The following RSPO4 variants were observed in gnomAD, a reference collection of about 807,000 sequenced individuals.
RSPO4 encodes R-spondin-4.
In RSPO4, 23 loss-of-function variants were observed where a neutral mutation model predicts 24.8. That is an observed-to-expected ratio of 0.93 (90% CI 0.67 to 1.31). RSPO4 has a LOEUF of 1.31. Among genes scored for constraint, RSPO4 ranks in the 40% most tolerant of loss-of-function variants. RSPO4 has a pLI of 0.00. For missense variants in RSPO4, 333 were observed against 316.5 expected (o/e 1.05, Z -0.39); for synonymous variants, 141 against 127.4 (o/e 1.11, Z -0.72).
At chr20:964,695 T>C (rs543974507) in intron 3 of RSPO4, among the ~76,000 whole-genome samples, 3,619 of 148,596 alleles carry the variant, frequency 0.024, 95 homozygotes, top group African/African-American at 0.065. Flanking sequence ...TATATATATA[T>C]ACACACACAC....
At chr20:1,001,667 G>A (rs1985467295) in intron 1 of RSPO4, among the ~76,000 whole-genome samples, 2 of 152,152 alleles carry the variant, frequency 1.3e-5, no homozygotes, top group South Asian at 4.1e-4. Context: ...GGGGCCTCTG[G>A]ACGCCCAGCC....
At chr20:965,134 C>T (rs1984153429) in intron 3 of RSPO4, among the ~76,000 whole-genome samples, 2 of 152,086 alleles carry the variant, frequency 1.3e-5, no homozygotes, top group Admixed American at 1.3e-4. Context: ...CTGCAGGCCT[C>T]CTGGAATTCA....
chr20:991,672 T>A (rs1259031885), intron 1 of RSPO4, among the ~76,000 whole-genome samples: 2 of 151,576 alleles, frequency 1.3e-5, no homozygotes, highest in Non-Finnish European at 1.5e-5. Flanking sequence ...AATAAAAATT[T>A]AAAAATAAGG....
At chr20:964,176 G>A in intron 3 of RSPO4, 56 bp from the exon 4 acceptor site, 3 of 1,458,470 alleles carry the variant, frequency 2.1e-6, no homozygotes, top group Admixed American at 2.0e-5. Context: ...CCGGCAGTGA[G>A]GGTCCTTCAG....
Position 1,002,007 on chromosome 20 carries a change from AGCC to A in RSPO4, c.79+76_79+78del. On this transcript the variant is annotated intron_variant, in intron 1 of 4. Coordinates refer to ENST00000217260, the MANE Select transcript of RSPO4 (RefSeq NM_001029871.4). The surrounding 1 kb of genome is among the most constrained non-coding windows in gnomAD (Gnocchi z 4.6). ...CCAGGCACCAGGCAGATGCCCCCAG[AGCC>A]GCCGCCCCCGGTCCTCCGGCCCCCG... The A allele has an allele frequency of 7.8e-7, 1 of 1,275,166 alleles. No homozygotes were observed. The highest frequency in any genetic ancestry group is 1.3e-5 in the South Asian group (1 of 78,546). 79.0% of individuals were successfully genotyped at this position (1,275,166 alleles called of 1,614,324 possible). A position where few individuals can be genotyped will look rare whatever the true frequency, so the allele number is the denominator to read the frequency against.
chr20:997,818 C>T (rs1241961970), intron 1 of RSPO4, among the ~76,000 whole-genome samples: 1 of 152,164 alleles, frequency 6.6e-6, no homozygotes, highest in Non-Finnish European at 1.5e-5. Context: ...TAAAGAAAAA[C>T]AAGCTCAGAG....
At chr20:973,001 T>G (rs2055441392) in intron 1 of RSPO4, among the ~76,000 whole-genome samples, 1 of 152,250 alleles carries the variant, frequency 6.6e-6, no homozygotes, top group African/African-American at 2.4e-5. Context: ...TGACATGGCG[T>G]TGCTGCCCAT....
chr20:973,657 G>T (rs1568915205), intron 1 of RSPO4, among the ~76,000 whole-genome samples: 2 of 152,234 alleles, frequency 1.3e-5, no homozygotes, highest in Non-Finnish European at 2.9e-5. Context: ...TGTATTTTTA[G>T]TAGAGACGGG....
intron 4 of RSPO4, 116 bp from the exon 5 acceptor site, chr20:960,582 G>A (rs1226887225): frequency 2.6e-6 from 2 of 765,926 alleles, no homozygotes; most frequent in East Asian, 2.7e-5. Flanking sequence ...ACGGGGCTCA[G>A]AACATTTGGG....
At chr20:997,106 C>T (rs2103799) in intron 1 of RSPO4, among the ~76,000 whole-genome samples, 1 of 152,080 alleles carries the variant, frequency 6.6e-6, no homozygotes, top group Non-Finnish European at 1.5e-5. Flanking sequence ...CCTCAGTTCC[C>T]GTGTCTGGGA....
intron 1 of RSPO4, among the ~76,000 whole-genome samples, chr20:991,655 G>A (rs1430070940): frequency 6.6e-6 from 1 of 150,758 alleles, no homozygotes; most frequent in Non-Finnish European, 1.5e-5. Flanking sequence ...ACGAAATTAA[G>A]TAACAAAATA....
At chr20:967,078 A>T in intron 3 of RSPO4, 96 bp downstream of exon 3, 2 of 1,246,536 alleles carry the variant, frequency 1.6e-6, no homozygotes, top group Non-Finnish European at 2.2e-6. Context: ...ATGGCATTCT[A>T]CTGTAATTTC....
chr20:1,002,234 C>CGGCACGGCGGGCGCGGGGGCTGCTGTG lies in RSPO4; in HGVS notation c.-97_-71dup. The CGGCACGGCGGGCGCGGGGGCTGCTGTG allele has an allele frequency of 1.7e-6, 2 of 1,145,320 alleles. No homozygotes were observed. Among genetic ancestry groups the CGGCACGGCGGGCGCGGGGGCTGCTGTG allele is most frequent in the Non-Finnish European group, 2.3e-6 (2 of 886,922 alleles). 70.9% of individuals were successfully genotyped at this position (1,145,320 alleles called of 1,614,324 possible). Reference sequence around the variant, plus strand: ...GCCCAAGGGCCCCACGTCCCGGCGGCGGCACGGCGGGCGCGGGGGCTGCTG... The same window carrying CGGCACGGCGGGCGCGGGGGCTGCTGTG: ...GCCCAAGGGCCCCACGTCCCGGCGGCGGCACGGCGGGCGCGGGGGCTGCTGTGGGCACGGCGGGCGCGGGGGCTGCTG... On this transcript the variant is annotated 5_prime_UTR_variant, in exon 1 of 5. Transcript: ENST00000217260. The surrounding 1 kb of genome is among the most constrained non-coding windows in gnomAD (Gnocchi z 4.6).
At position 970,310 on chromosome 20, in the gene RSPO4, G is replaced by T. The variant is rs745971744; in HGVS notation, c.80-2172C>A. Among the ~76,000 whole-genome samples the T allele has an allele frequency of 6.6e-6, 1 of 152,090 alleles. No individual in the cohort carries two copies. Among genetic ancestry groups the T allele is most frequent in the South Asian group, 2.1e-4 (1 of 4,818 alleles). ...TTCCTCCCTGCTCCAGCTCTCGGAT[G>T]AGTACTGCTACTTCCCCAGTCCTCA... On this transcript the variant is annotated intron_variant, in intron 1 of 4. Coordinates refer to ENST00000217260, the MANE Select transcript of RSPO4 (RefSeq NM_001029871.4). This position sits in a 1 kb window ranked among gnomAD's most constrained non-coding sequence, Gnocchi z 4.1.
At chr20:997,411 T>C (rs548941609) in intron 1 of RSPO4, among the ~76,000 whole-genome samples, 27 of 152,350 alleles carry the variant, frequency 1.8e-4, no homozygotes, top group Admixed American at 3.3e-4. Flanking sequence ...GACCACCTAC[T>C]ATCTGCCAAG....
At chr20:994,039 A>C (rs1985194992) in intron 1 of RSPO4, among the ~76,000 whole-genome samples, 1 of 152,178 alleles carries the variant, frequency 6.6e-6, no homozygotes, top group Non-Finnish European at 1.5e-5. Flanking sequence ...AGGTTTATTA[A>C]GGTAATTTAA....
chr20:969,645 C>G (rs1984346960), intron 1 of RSPO4, among the ~76,000 whole-genome samples: 1 of 152,124 alleles, frequency 6.6e-6, no homozygotes, highest in Non-Finnish European at 1.5e-5. Flanking sequence ...TAAGGGGCAC[C>G]TTGGGAGCAG....
chr20:962,719 C>A (rs1308407906), intron 4 of RSPO4, among the ~76,000 whole-genome samples: 4 of 152,322 alleles, frequency 2.6e-5, no homozygotes, highest in Middle Eastern at 3.4e-3. Context: ...GAGTTCAAAT[C>A]CTGGCTCCAC....
At chr20:985,494 C>G (rs1030818084) in intron 1 of RSPO4, among the ~76,000 whole-genome samples, 7 of 152,178 alleles carry the variant, frequency 4.6e-5, no homozygotes. Flanking sequence ...GTAAATTTCC[C>G]CAGGACTTTT....
Sources: allele counts gnomAD v4.1 joint callset (sites outside exome capture counted in the v4.1 genomes callset), GRCh38; gene constraint gnomAD v4.1.1; non-coding constraint Gnocchi (gnomAD v3.1); transcripts MANE v1.5; gene names NCBI Gene and HGNC (gene_info 2026-07-23, HGNC 2026-07-21).